ADRA1A: variants seen among roughly 807,000 people sequenced by gnomAD.
ADRA1A encodes adrenoceptor alpha 1A.
ADRA1A carries 31 observed loss-of-function variants against 29.6 expected under a neutral mutation model. The ratio of observed to expected loss-of-function variants is 1.05; its 90% CI spans 0.79 to 1.41. The LOEUF is 1.41. Ranked by LOEUF, ADRA1A falls within the 40% of genes most tolerant of loss-of-function variation. ADRA1A has a pLI of 0.00. For synonymous variants in ADRA1A, 311 were observed against 254.3 expected (o/e 1.22, Z -2.12); for missense variants, 619 against 601.1 (o/e 1.03, Z -0.31).
At chr8:26,764,425 G>C (rs754847656), downstream of ADRA1A, among the ~76,000 whole-genome samples, 58 of 152,178 alleles carry the variant, frequency 3.8e-4, no homozygotes, top group Non-Finnish European at 7.6e-4. Flanking sequence ...ACAGTGACAT[G>C]CTGCCCAGCC....
intron 2 of ADRA1A, among the ~76,000 whole-genome samples, chr8:26,861,621 C>G (rs1813473599): frequency 1.3e-5 from 2 of 152,144 alleles, no homozygotes; most frequent in African/African-American, 4.8e-5. Flanking sequence ...ATCTCTACTT[C>G]CATGTCTAAT....
intron 2 of ADRA1A, among the ~76,000 whole-genome samples, chr8:26,809,303 C>T (rs1286769777): frequency 1.3e-5 from 2 of 152,114 alleles, no homozygotes; most frequent in Admixed American, 1.3e-4. Context: ...TTACTCTGTT[C>T]AGGTACTGAA....
intron 2 of ADRA1A, among the ~76,000 whole-genome samples, chr8:26,798,553 A>T (rs771755505): frequency 3.9e-5 from 6 of 152,128 alleles, no homozygotes; most frequent in Non-Finnish European, 8.8e-5. Context: ...ATTTCCCCAG[A>T]CAGAGATGAT....
In ADRA1A at chr8:26,864,538, G is replaced by A. The variant is rs1420047651; in HGVS notation, c.432C>T (p.Leu144=). The change falls in exon 2 of 3, where the codon CTC becomes CTT. Residue 144 remains leucine (L), a synonymous_variant. Transcript: ENST00000380573. The surrounding 1 kb of genome is among the most constrained non-coding windows in gnomAD (Gnocchi z 8.1). ...GTGCCCAGACGCAGAGCAGAGCCAT[G>A]AGACCCCTCCTCTGGGTGACGATGG... The part of the protein sequence containing the change: ...YPTIVTQRRG[L]MALLCVWALS... The A allele has an allele frequency of 1.2e-6, 2 of 1,614,134 alleles. No individual in the cohort carries two copies. Among genetic ancestry groups the A allele is most frequent in the Non-Finnish European group, 1.7e-6 (2 of 1,180,042 alleles).
chr8:26,789,600 T>C (rs1324682485), intron 2 of ADRA1A, among the ~76,000 whole-genome samples: 4 of 152,084 alleles, frequency 2.6e-5, no homozygotes. Context: ...GACATTGGTC[T>C]GGGAAAAATT....
chr8:26,766,751 T>C (rs953571598), downstream of ADRA1A, among the ~76,000 whole-genome samples: 1 of 152,110 alleles, frequency 6.6e-6, no homozygotes, highest in African/African-American at 2.4e-5. Context: ...CTTAACCTCT[T>C]ACAATGATCA....
intron 2 of ADRA1A, among the ~76,000 whole-genome samples, chr8:26,771,483 C>T (rs1028541858): frequency 1.3e-5 from 2 of 152,132 alleles, no homozygotes; most frequent in African/African-American, 4.8e-5. Context: ...CTCTACCTAC[C>T]CAAACCCTAC....
At chr8:26,808,100 C>A (rs776937778) in intron 2 of ADRA1A, among the ~76,000 whole-genome samples, 1 of 152,092 alleles carries the variant, frequency 6.6e-6, no homozygotes, top group African/African-American at 2.4e-5. Flanking sequence ...ACTTTATTTC[C>A]CCTATCCCCC....
chr8:26,803,345 ATAAATGTATCC>A (rs1808735274), intron 2 of ADRA1A, among the ~76,000 whole-genome samples: 1 of 152,226 alleles, frequency 6.6e-6, no homozygotes, highest in Admixed American at 6.5e-5. Flanking sequence ...CATGTACTCC[ATAAATGTATCC>A]TACTATGTAT....
intron 2 of ADRA1A, among the ~76,000 whole-genome samples, chr8:26,851,117 G>A (rs1377517525): frequency 6.6e-6 from 1 of 152,132 alleles, no homozygotes; most frequent in African/African-American, 2.4e-5. Flanking sequence ...AGATACAAAA[G>A]ACAGGAGAGG....
In ADRA1A at chr8:26,860,474, G is replaced by T. The variant is rs1030648210; in HGVS notation, c.883+3613C>A. ...AGAAAAACACACAACCCTCCTTCCC[G>T]CTGTACTTTAATGTTATGACCGTAA... On this transcript the variant is annotated intron_variant, in intron 2 of 2. Transcript: ENST00000380573. The surrounding 1 kb of genome is among the most constrained non-coding windows in gnomAD (Gnocchi z 4.7). Among the ~76,000 whole-genome samples, 4 of 151,966 alleles carry T rather than the reference G, an allele frequency of 2.6e-5. No homozygotes were observed. The highest frequency in any genetic ancestry group is 5.9e-5 in the Non-Finnish European group (4 of 68,008).
chr8:26,750,465 G>T (rs568441110), intron 2 of ADRA1A, among the ~76,000 whole-genome samples: 2 of 152,102 alleles, frequency 1.3e-5, no homozygotes, highest in African/African-American at 4.8e-5. Context: ...GCCTCCGAAC[G>T]TGCTGGGATT....
chr8:26,798,163 G>C (rs1808316290), intron 2 of ADRA1A, among the ~76,000 whole-genome samples: 1 of 152,160 alleles, frequency 6.6e-6, no homozygotes, highest in South Asian at 2.1e-4. Context: ...ATTTTTAGTA[G>C]AGACAGGGTT....
intron 2 of ADRA1A, chr8:26,779,124 A>T (rs1170530929): frequency 3.2e-5 from 17 of 524,480 alleles, no homozygotes; most frequent in Non-Finnish European, 5.4e-5. Context: ...TGATTGTCTC[A>T]TCCTCCAGAG....
At chr8:26,754,967 G>GT (rs1021251931), downstream of ADRA1A, among the ~76,000 whole-genome samples, 2 of 152,074 alleles carry the variant, frequency 1.3e-5, no homozygotes, top group African/African-American at 4.8e-5. Context: ...GTTATTTTCT[G>GT]TTTTTTCTTT....
Position 26,825,420 on chromosome 8 carries a change from C to T in ADRA1A, c.883+38667G>A, listed in dbSNP as rs1464362452. ...GTGGGTAGGGAGGAAGATGGAGTTT[C>T]TTTGTTTTCTAATTCCGCCCTACTT... On this transcript the variant is annotated intron_variant, in intron 2 of 2. Coordinates refer to ENST00000380573, the MANE Select transcript of ADRA1A (RefSeq NM_000680.4). The surrounding 1 kb of genome is among the most constrained non-coding windows in gnomAD (Gnocchi z 5.7). Among the ~76,000 whole-genome samples the T allele has an allele frequency of 6.6e-6, 1 of 152,072 alleles. No homozygotes were observed. Among genetic ancestry groups the T allele is most frequent in the East Asian group, 1.9e-4 (1 of 5,190 alleles).
At chr8:26,788,584 C>T (rs1228354883) in intron 2 of ADRA1A, among the ~76,000 whole-genome samples, 1 of 152,116 alleles carries the variant, frequency 6.6e-6, no homozygotes, top group Non-Finnish European at 1.5e-5. Flanking sequence ...CAGCAATGTG[C>T]TAAGTACTTT....
At chr8:26,777,826 C>T (rs1044808811) in intron 2 of ADRA1A, among the ~76,000 whole-genome samples, 6 of 152,202 alleles carry the variant, frequency 3.9e-5, no homozygotes, top group African/African-American at 1.4e-4. Context: ...CACACATCCC[C>T]GAAGGAGACA....
At chr8:26,767,755 G>T (rs992494670), downstream of ADRA1A, among the ~76,000 whole-genome samples, 4 of 151,394 alleles carry the variant, frequency 2.6e-5, no homozygotes, top group Non-Finnish European at 4.4e-5. Context: ...ATTTGTTGAA[G>T]AAAAACGATA....
Sources: allele counts gnomAD v4.1 joint callset (sites outside exome capture counted in the v4.1 genomes callset), GRCh38; gene constraint gnomAD v4.1.1; non-coding constraint Gnocchi (gnomAD v3.1); transcripts MANE v1.5; gene names NCBI Gene and HGNC (gene_info 2026-07-23, HGNC 2026-07-21).